OTULINL: variants seen among roughly 807,000 people sequenced by gnomAD.
OTULINL encodes the protein OTU deubiquitinase with linear linkage specificity like.
OTULINL carries 42 observed loss-of-function variants against 43.9 expected under a neutral mutation model. The ratio of observed to expected loss-of-function variants is 0.96; its 90% CI spans 0.75 to 1.24. The LOEUF (loss-of-function observed/expected upper bound fraction) is 1.24. OTULINL is among the 50% of genes most tolerant of loss of function. The pLI, the probability that OTULINL is intolerant of heterozygous loss-of-function variation, is 0.00. For synonymous variants in OTULINL, 172 were observed against 153.6 expected, an observed-to-expected ratio of 1.12 and a Z score of -0.88; for missense variants, 411 against 426.4, an observed-to-expected ratio of 0.96 and a Z score of 0.32.
In OTULINL at chr5:14,608,791, G is replaced by C. The variant is rs559855564; in HGVS notation, c.671G>C (p.Ser224Thr). Reference sequence around the variant, plus strand: ...ATTAGAGATTATCACAAGAGAGGAAGTATGTGCAACACCCTTTTTTCAGAT... The same window carrying C: ...ATTAGAGATTATCACAAGAGAGGAACTATGTGCAACACCCTTTTTTCAGAT... Reference protein sequence around the residue: ...NGIRDYHKRGSMCNTLFSDAI... With the variant: ...NGIRDYHKRGTMCNTLFSDAI... Residue 224 changes from serine (S) to threonine (T), a missense_variant, in exon 7 of 8, where the codon AGT (serine) becomes ACT (threonine). By Grantham distance (58) the Ser-to-Thr change is moderately conservative. Transcript: ENST00000274217. 3 of 1,612,740 alleles carry C rather than the reference G, an allele frequency of 1.9e-6. No homozygotes were observed. Among genetic ancestry groups the C allele is most frequent in the East Asian group, 2.2e-5 (1 of 44,818 alleles).
rs1189465715 is a variant in OTULINL at position 14,581,847 on chromosome 5, C to G, written c.-48C>G. 1 of 1,369,404 alleles carries G rather than the reference C, an allele frequency of 7.3e-7. No individual in the cohort carries two copies. Among genetic ancestry groups the G allele is most frequent in the East Asian group, 3.2e-5 (1 of 31,150 alleles). The allele number at this position is 1,369,404 out of a possible 1,614,324, so 84.8% of individuals were successfully genotyped here. On this transcript the variant is annotated 5_prime_UTR_variant, in exon 1 of 8. Coordinates refer to ENST00000274217, the MANE Select transcript of OTULINL (RefSeq NM_019018.3). ...GGCGGCCGTCGCGTCTGACAGACCA[C>G]TGCAGACCACGGGCCGAGGCCCAGC...
chr5:14,609,453 T>G (rs1462710757), intron 7 of OTULINL, among the ~76,000 whole-genome samples: 1 of 152,242 alleles, frequency 6.6e-6, no homozygotes, highest in East Asian at 1.9e-4. Context: ...CTTTTTTGTT[T>G]TGCTTTCCTA....
In OTULINL at chr5:14,613,079, C is replaced by T. The variant is rs561665312; in HGVS notation, c.*2765C>T. On this transcript the variant is annotated 3_prime_UTR_variant, in exon 8 of 8. Coordinates refer to ENST00000274217, the MANE Select transcript of OTULINL (RefSeq NM_019018.3). ...CCGGGATTACAGGTGCCCACCACTA[C>T]GCTCGACTAATTTTTTGTGTTTTTA... is the stretch of plus-strand genomic sequence containing the variant. Among the ~76,000 whole-genome samples the T allele has an allele frequency of 2.6e-5, 4 of 152,248 alleles. No homozygotes were observed. Among genetic ancestry groups the T allele is most frequent in the East Asian group, 1.9e-4 (1 of 5,184 alleles).
intron 1 of OTULINL, among the ~76,000 whole-genome samples, chr5:14,590,626 A>G (rs1332982142): frequency 6.6e-6 from 1 of 152,174 alleles, no homozygotes; most frequent in Non-Finnish European, 1.5e-5. Flanking sequence ...TCCCATCAGC[A>G]AGATCACACT....
chr5:14,582,836 A>G (rs1025674915), intron 1 of OTULINL, among the ~76,000 whole-genome samples: 8 of 150,244 alleles, frequency 5.3e-5, no homozygotes, highest in African/African-American at 2.0e-4. Context: ...AAAAAAAAAA[A>G]AAATCACCCG....
chr5:14,588,099 T>C (rs1355731076), intron 1 of OTULINL, among the ~76,000 whole-genome samples: 4 of 152,224 alleles, frequency 2.6e-5, no homozygotes, highest in Admixed American at 1.3e-4. Flanking sequence ...CAAGATCTTA[T>C]GTATCTTCCA....
intron 7 of OTULINL, among the ~76,000 whole-genome samples, chr5:14,609,609 C>CT (rs1170075465): frequency 7.2e-6 from 1 of 139,326 alleles, no homozygotes; most frequent in African/African-American, 2.7e-5. Flanking sequence ...TTTCAAGTAG[C>CT]TTTTTCCTGT....
chr5:14,606,146 C>T (rs542369343), intron 5 of OTULINL, among the ~76,000 whole-genome samples: 1 of 152,316 alleles, frequency 6.6e-6, no homozygotes, highest in Admixed American at 6.5e-5. Context: ...GGGGAAGCCT[C>T]ACAATCATGG....
chr5:14,605,669 T>C (rs1398625756), intron 5 of OTULINL, among the ~76,000 whole-genome samples: 1 of 152,198 alleles, frequency 6.6e-6, no homozygotes, highest in African/African-American at 2.4e-5. Flanking sequence ...TGCTTAGAAA[T>C]TTCTTTCACC....
At chr5:14,600,042 A>T (rs1442173996) in intron 1 of OTULINL, among the ~76,000 whole-genome samples, 3 of 152,130 alleles carry the variant, frequency 2.0e-5, no homozygotes, top group Non-Finnish European at 2.9e-5. Context: ...TTGGAGACTG[A>T]TATGGTTTGG....
intron 1 of OTULINL, among the ~76,000 whole-genome samples, chr5:14,592,121 T>G (rs1364367930): frequency 1.3e-5 from 2 of 152,114 alleles, no homozygotes; most frequent in African/African-American, 2.4e-5. Context: ...TTACCCCTGA[T>G]GTAGAATGAA....
rs1019678108 is a variant in OTULINL at position 14,603,430 on chromosome 5, T to C, written c.498+1098T>C. On this transcript the variant is annotated intron_variant, in intron 5 of 7. Coordinates refer to ENST00000274217, the MANE Select transcript of OTULINL (RefSeq NM_019018.3). ...TGCGTTCCAAAGTGGCCCAGCCATTTTGTATTCCCACCAACAATGTATAAG... is the reference window on the plus strand; with the variant it reads ...TGCGTTCCAAAGTGGCCCAGCCATTCTGTATTCCCACCAACAATGTATAAG... Among the ~76,000 whole-genome samples, 3 of 152,346 alleles carry C rather than the reference T, an allele frequency of 2.0e-5. No homozygotes were observed. The South Asian group carries it at 6.2e-4, about 32-fold the overall frequency.
intron 6 of OTULINL, among the ~76,000 whole-genome samples, chr5:14,608,481 T>TC (rs1397252148): frequency 6.6e-6 from 1 of 152,166 alleles, no homozygotes; most frequent in Non-Finnish European, 1.5e-5. Flanking sequence ...CAGGACCTAA[T>TC]CACGTCCCAA....
chr5:14,613,809 TGA>T lies in OTULINL; in HGVS notation c.*3500_*3501del, dbSNP rs1003413439. Among the ~76,000 whole-genome samples the T allele has an allele frequency of 2.6e-5, 4 of 152,144 alleles. No homozygotes were observed. Among genetic ancestry groups the T allele is most frequent in the African/African-American group, 9.7e-5 (4 of 41,448 alleles). ...TGGTGGAGGATGGGCTCAACCTCCA[TGA>T]GAGAAGAGCAGCCAGGATCAGGGGG... On this transcript the variant is annotated 3_prime_UTR_variant, in exon 8 of 8. Coordinates refer to ENST00000274217, the MANE Select transcript of OTULINL (RefSeq NM_019018.3).
In OTULINL at chr5:14,611,684, C is replaced by T. The variant is rs1262062332; in HGVS notation, c.*1370C>T. On this transcript the variant is annotated 3_prime_UTR_variant, in exon 8 of 8. Coordinates refer to ENST00000274217, the MANE Select transcript of OTULINL (RefSeq NM_019018.3). ...TTTGGTCGTCTTTATTTTGGAAATA[C>T]TTTTCTAGTTTAATTTGATAGTTTT... 1 of 151,762 alleles carries T rather than the reference C, an allele frequency of 6.6e-6. No homozygotes were observed. Among genetic ancestry groups the T allele is most frequent in the Non-Finnish European group, 1.5e-5 (1 of 67,950 alleles). The allele number at this position is 151,762 out of a possible 1,614,324, so 9.4% of individuals were successfully genotyped here.
rs1263486452 is a variant in OTULINL at position 14,613,515 on chromosome 5, A to G, written c.*3201A>G. On this transcript the variant is annotated 3_prime_UTR_variant, in exon 8 of 8. Coordinates refer to ENST00000274217, the MANE Select transcript of OTULINL (RefSeq NM_019018.3). ...GGAGTCAGGAGGAGAGAGTTAGGTTAGTTAGTACAACCTAAGAGGGAGTTA... is the reference window on the plus strand; with the variant it reads ...GGAGTCAGGAGGAGAGAGTTAGGTTGGTTAGTACAACCTAAGAGGGAGTTA... Among the ~76,000 whole-genome samples, 2 of 152,182 alleles carry G rather than the reference A, an allele frequency of 1.3e-5. No individual in the cohort carries two copies. The highest frequency in any genetic ancestry group is 4.8e-5 in the African/African-American group (2 of 41,440).
chr5:14,603,854 T>C (rs970877678), intron 5 of OTULINL, among the ~76,000 whole-genome samples: 1 of 152,206 alleles, frequency 6.6e-6, no homozygotes, highest in African/African-American at 2.4e-5. Flanking sequence ...AGGAACTACA[T>C]TTAAGGATAG....
chr5:14,593,198 C>T (rs575459980), intron 1 of OTULINL, among the ~76,000 whole-genome samples: 1 of 152,182 alleles, frequency 6.6e-6, no homozygotes, highest in Non-Finnish European at 1.5e-5. Context: ...AAGAGAGAAA[C>T]ATTCCAAAAA....
rs1759564279 is a variant in OTULINL at position 14,610,503 on chromosome 5, G to A, written c.*189G>A. On this transcript the variant is annotated 3_prime_UTR_variant, in exon 8 of 8. Transcript: ENST00000274217. ...TTATTTTTCAGTGATTTCCTCTGAA[G>A]CAGCTGCACTGATACATTTGGGAGT... is the stretch of plus-strand genomic sequence containing the variant. 4.1e-5 allele frequency: 24 copies of A among 578,476 alleles called. No homozygotes were observed. The South Asian group carries it at 5.9e-4, about 14-fold the overall frequency. 35.8% of individuals were successfully genotyped at this position (578,476 alleles called of 1,614,324 possible). A position where few individuals can be genotyped will look rare whatever the true frequency, so the allele number is the denominator to read the frequency against.
Sources: gnomAD v4.1 joint callset for allele counts (sites outside exome capture counted in the v4.1 genomes callset) on GRCh38, gnomAD v4.1.1 for gene constraint, MANE v1.5 for transcripts, NCBI Gene and HGNC (gene_info 2026-07-23, HGNC 2026-07-21) for gene names.